TM9SF4: variants seen among roughly 807,000 people sequenced by gnomAD.
The protein encoded by TM9SF4 is dinucleotide oxidase disulfide thiol exchanger 3 superfamily member 4.
In TM9SF4, 26 loss-of-function variants were observed where a neutral mutation model predicts 90.4. The ratio of observed to expected loss-of-function variants is 0.29; its 90% CI spans 0.21 to 0.40. TM9SF4 has a LOEUF of 0.40. Ranked by LOEUF, TM9SF4 falls within the 10% of genes least tolerant of loss-of-function variation. TM9SF4 has a pLI of 1.00. For missense variants in TM9SF4, 549 were observed against 834.8 expected, an observed-to-expected ratio of 0.66 and a Z score of 4.22; for synonymous variants, 293 against 315.4, an observed-to-expected ratio of 0.93 and a Z score of 0.75.
At chr20:32,148,147 C>A (rs867334014) in intron 9 of TM9SF4, among the ~76,000 whole-genome samples, 1 of 152,004 alleles carries the variant, frequency 6.6e-6, no homozygotes. Context: ...TCTAAAATTT[C>A]GAATGTAATG....
intron 3 of TM9SF4, among the ~76,000 whole-genome samples, 164 bp from the exon 4 acceptor site, chr20:32,141,333 C>T (rs758727198): frequency 1.3e-5 from 2 of 151,832 alleles, no homozygotes; most frequent in South Asian, 2.1e-4. Flanking sequence ...TAGCTGGGAC[C>T]GTTGGGCGTG....
chr20:32,115,807 CT>C (rs386393622), intron 1 of TM9SF4, among the ~76,000 whole-genome samples: 261 of 95,096 alleles, frequency 2.7e-3, no homozygotes, highest in African/African-American at 5.7e-3. Flanking sequence ...CCACTTTAAG[CT>C]TTTTTTTTTT....
chr20:32,148,453 C>T lies in TM9SF4; in HGVS notation c.955-1181C>T, dbSNP rs536242135. ...GTAAAACAGGCTGAGCATGGTGGCT[C>T]GTGCCTGTAATCCCAGCACTTTGGG... On this transcript the variant is annotated intron_variant, in intron 9 of 17. Transcript: ENST00000398022. 8.6e-5 allele frequency among the ~76,000 whole-genome samples: 13 copies of T among 151,954 alleles called. No homozygotes were observed. In the East Asian group the frequency reaches 1.5e-3, roughly 18 times the overall value.
Position 32,141,843 on chromosome 20 carries a change from A to G in TM9SF4, c.476A>G (p.Lys159Arg). Reference protein sequence around the residue: ...NRDSDDKKKEKDVQFEHGYRL... With the variant: ...NRDSDDKKKERDVQFEHGYRL... ...GACAGCGATGACAAGAAGAAGGAAA[A>G]AGATGTGCAGTTTGAACACGGCTAC... Residue 159 changes from lysine to arginine, a missense_variant, in exon 5 of 18, where the codon AAA becomes AGA. This residue lies in a region of TM9SF4 where 495 missense variants were observed against 711.7 expected (regional missense o/e 0.70). Transcript: ENST00000398022. 6.2e-7 allele frequency: 1 copy of G among 1,614,076 alleles called. No individual in the cohort carries two copies. The highest frequency in any genetic ancestry group is 8.5e-7 in the Non-Finnish European group (1 of 1,180,006).
At chr20:32,154,527 C>T (rs547250229) in intron 12 of TM9SF4, among the ~76,000 whole-genome samples, 2 of 152,118 alleles carry the variant, frequency 1.3e-5, no homozygotes, top group Non-Finnish European at 2.9e-5. Context: ...GATCTCTGCT[C>T]ACTGCAACCT....
chr20:32,164,025 C>T (rs1389882088), intron 17 of TM9SF4, among the ~76,000 whole-genome samples: 3 of 152,156 alleles, frequency 2.0e-5, no homozygotes, highest in Non-Finnish European at 4.4e-5. Flanking sequence ...GATCACATCA[C>T]AGCCTCTTGT....
chr20:32,165,511 A>G lies in TM9SF4; in HGVS notation c.*67A>G. On this transcript the variant is annotated 3_prime_UTR_variant, in exon 18 of 18. Coordinates refer to ENST00000398022, the MANE Select transcript of TM9SF4 (RefSeq NM_014742.4). Reference sequence around the variant, plus strand: ...GAAGCCACCCTGCGTGGGGGACTGCAGGCACGCAAAATAAAATAACTCCTG... The same window carrying G: ...GAAGCCACCCTGCGTGGGGGACTGCGGGCACGCAAAATAAAATAACTCCTG... 1 of 1,570,456 alleles carries G rather than the reference A, an allele frequency of 6.4e-7. No homozygotes were observed. Among genetic ancestry groups the G allele is most frequent in the Non-Finnish European group, 8.7e-7 (1 of 1,145,276 alleles).
chr20:32,118,549 C>T (rs1377211417), intron 1 of TM9SF4, among the ~76,000 whole-genome samples: 1 of 151,864 alleles, frequency 6.6e-6, no homozygotes, highest in African/African-American at 2.4e-5. Flanking sequence ...GATCCTCCCA[C>T]GTAATTATAG....
At chr20:32,154,865 A>G (rs2046895407) in intron 12 of TM9SF4, among the ~76,000 whole-genome samples, 1 of 152,212 alleles carries the variant, frequency 6.6e-6, no homozygotes, top group Non-Finnish European at 1.5e-5. Flanking sequence ...TCAGGTAGCC[A>G]AAATATGTAA....
rs759898996 is a variant in TM9SF4 at position 32,165,455 on chromosome 20, C to T, written c.*11C>T. ...GTGAAGATAGACTGATTGGAGTGGA[C>T]CACGGCCAAGCTTGCTCCGTCCTCG... On this transcript the variant is annotated 3_prime_UTR_variant, in exon 18 of 18. Coordinates refer to ENST00000398022, the MANE Select transcript of TM9SF4 (RefSeq NM_014742.4). 1 of 1,613,804 alleles carries T rather than the reference C, an allele frequency of 6.2e-7. No homozygotes were observed.
intron 12 of TM9SF4, among the ~76,000 whole-genome samples, chr20:32,153,413 C>G (rs1197443589): frequency 6.6e-6 from 1 of 152,212 alleles, no homozygotes; most frequent in Non-Finnish European, 1.5e-5. Flanking sequence ...CACCTGGATG[C>G]TCAGGCTGCC....
At chr20:32,139,291 C>G (rs1373319381) in intron 3 of TM9SF4, among the ~76,000 whole-genome samples, 1 of 152,250 alleles carries the variant, frequency 6.6e-6, no homozygotes, top group Non-Finnish European at 1.5e-5. Context: ...TCTAAGTGCC[C>G]ACTTGATATA....
intron 5 of TM9SF4, among the ~76,000 whole-genome samples, chr20:32,142,280 T>C (rs2046692799): frequency 6.6e-6 from 1 of 152,174 alleles, no homozygotes; most frequent in Non-Finnish European, 1.5e-5. Flanking sequence ...CTGTAAAATG[T>C]ATGCAGCAGC....
At chr20:32,161,447 T>C in intron 17 of TM9SF4, 82 bp downstream of exon 17, 1 of 1,336,300 alleles carries the variant, frequency 7.5e-7, no homozygotes, top group Non-Finnish European at 1.1e-6. Context: ...AAAACCCAAG[T>C]GCCTGAATCT....
At chr20:32,148,957 A>G (rs994943885) in intron 9 of TM9SF4, among the ~76,000 whole-genome samples, 14 of 152,214 alleles carry the variant, frequency 9.2e-5, no homozygotes, top group African/African-American at 3.4e-4. Context: ...GGCGTGAGCC[A>G]CCGCGCCCAG....
chr20:32,163,813 G>T (rs567745372), intron 17 of TM9SF4, among the ~76,000 whole-genome samples: 119 of 151,984 alleles, frequency 7.8e-4, no homozygotes, highest in Middle Eastern at 3.4e-3. Flanking sequence ...GTTTCTCCAT[G>T]TTGGCCAGGC....
chr20:32,142,142 G>T (rs1180673528), intron 5 of TM9SF4, among the ~76,000 whole-genome samples: 1 of 151,940 alleles, frequency 6.6e-6, no homozygotes, highest in East Asian at 1.9e-4. Flanking sequence ...AAAAAAAACC[G>T]TGGAACTTCA....
intron 1 of TM9SF4, among the ~76,000 whole-genome samples, chr20:32,124,306 GACAA>G (rs1436377516): frequency 1.3e-5 from 2 of 152,330 alleles, no homozygotes; most frequent in East Asian, 3.9e-4. Context: ...AGACAAGTGA[GACAA>G]ACAATCAGAG....
chr20:32,137,956 T>C (rs1427356508), intron 3 of TM9SF4, among the ~76,000 whole-genome samples: 1 of 152,186 alleles, frequency 6.6e-6, no homozygotes, highest in Non-Finnish European at 1.5e-5. Context: ...CCAGAATCCA[T>C]GCCCAAGCAC....
Sources: gnomAD v4.1 joint callset for allele counts (sites outside exome capture counted in the v4.1 genomes callset) on GRCh38, gnomAD v4.1.1 for gene constraint, gnomAD v4.1.1 regional missense constraint, MANE v1.5 for transcripts, NCBI Gene and HGNC (gene_info 2026-07-23, HGNC 2026-07-21) for gene names.